SUV39H2: variants seen among roughly 807,000 people sequenced by gnomAD.
SUV39H2 encodes histone-lysine N-methyltransferase SUV39H2.
A neutral mutation model predicts 47.5 loss-of-function variants in SUV39H2; 10 were observed. The ratio of observed to expected loss-of-function variants is 0.21; its 90% CI spans 0.13 to 0.36. SUV39H2 has a LOEUF of 0.36. Ranked by LOEUF, SUV39H2 falls within the 10% of genes least tolerant of loss-of-function variation. SUV39H2 has a pLI of 1.00. For missense variants in SUV39H2, 266 were observed against 487.4 expected (o/e 0.55, Z 4.28); for synonymous variants, 159 against 166.8 (o/e 0.95, Z 0.36).
chr10:14,899,117 C>G, intron 3 of SUV39H2: 1 of 652,418 alleles, frequency 1.5e-6, no homozygotes, highest in Non-Finnish European at 2.8e-6. Flanking sequence ...CCCAGGAGTT[C>G]CAGACCAGTG....
At position 14,902,718 on chromosome 10, in the gene SUV39H2, T is replaced by C; in HGVS notation, c.*206T>C. On this transcript the variant is annotated 3_prime_UTR_variant, in exon 6 of 6. Coordinates refer to ENST00000354919, the MANE Select transcript of SUV39H2 (RefSeq NM_001193424.2). ...TAGACTGATATGAAGTCGACATATT[T>C]ATAGTGCTTAGAGACCAAACTAATG... The C allele has an allele frequency of 1.5e-5, 6 of 390,728 alleles. No individual in the cohort carries two copies. In the South Asian group the frequency reaches 2.5e-4, roughly 16 times the overall value. The allele number at this position is 390,728 out of a possible 1,614,324, so 24.2% of individuals were successfully genotyped here.
rs1221132918 is a variant in SUV39H2 at position 14,902,683 on chromosome 10, C to T, written c.*171C>T. On this transcript the variant is annotated 3_prime_UTR_variant, in exon 6 of 6. Transcript: ENST00000354919. The stretch of plus-strand genomic sequence containing the variant: ...ACCGATGCCTCTGAAAAGGGGGTCA[C>T]TGGGTCTCATAGACTGATATGAAGT... The T allele has an allele frequency of 3.9e-6, 2 of 509,956 alleles. No homozygotes were observed. Among genetic ancestry groups the T allele is most frequent in the Non-Finnish European group, 7.0e-6 (2 of 284,080 alleles). The allele number at this position is 509,956 out of a possible 1,614,324, so 31.6% of individuals were successfully genotyped here.
intron 2 of SUV39H2, among the ~76,000 whole-genome samples, chr10:14,888,032 G>A (rs1564336488): frequency 6.6e-6 from 1 of 152,150 alleles, no homozygotes; most frequent in Non-Finnish European, 1.5e-5. Flanking sequence ...TGGCGGGGTG[G>A]GCAGGCCCCA....
intron 2 of SUV39H2, among the ~76,000 whole-genome samples, chr10:14,893,212 C>T (rs1273012910): frequency 1.3e-5 from 2 of 151,586 alleles, no homozygotes; most frequent in Non-Finnish European, 1.5e-5. Context: ...ACCGTGTTAG[C>T]CAGGATGGTC....
chr10:14,883,155 C>T (rs1833092242), intron 2 of SUV39H2, among the ~76,000 whole-genome samples: 1 of 152,154 alleles, frequency 6.6e-6, no homozygotes, highest in South Asian at 2.1e-4. Flanking sequence ...GCGTGAGCCA[C>T]TGCACCCCGC....
At chr10:14,887,518 T>G (rs1833250749) in intron 2 of SUV39H2, among the ~76,000 whole-genome samples, 1 of 152,212 alleles carries the variant, frequency 6.6e-6, no homozygotes, top group African/African-American at 2.4e-5. Flanking sequence ...AAGTGGAACT[T>G]AAACCAACTG....
intron 4 of SUV39H2, 84 bp from the exon 5 acceptor site, chr10:14,901,049 T>C: frequency 6.6e-7 from 1 of 1,521,092 alleles, no homozygotes; most frequent in Admixed American, 2.0e-5. Flanking sequence ...ACTAAATCTC[T>C]AGGAAAGTAA....
intron 1 of SUV39H2, chr10:14,879,129 T>TGG: frequency 8.0e-7 from 1 of 1,256,590 alleles, no homozygotes; most frequent in Non-Finnish European, 1.0e-6. Flanking sequence ...GCCGCGGAGG[T>TGG]GGGCACTGTC....
At position 14,903,714 on chromosome 10, in the gene SUV39H2, T is replaced by C. The variant is rs946659807; in HGVS notation, c.*1202T>C. ...TATTGAATCTCAGGAAAAACTATTC[T>C]TTCATGTCTGATTCTGAGATTTCTA... is the stretch of plus-strand genomic sequence containing the variant. On this transcript the variant is annotated 3_prime_UTR_variant, in exon 6 of 6. Coordinates refer to ENST00000354919, the MANE Select transcript of SUV39H2 (RefSeq NM_001193424.2). The C allele has an allele frequency of 2.0e-5, 3 of 152,222 alleles. No homozygotes were observed. Among genetic ancestry groups the C allele is most frequent in the African/African-American group, 7.2e-5 (3 of 41,462 alleles). The allele number at this position is 152,222 out of a possible 1,614,324, so 9.4% of individuals were successfully genotyped here.
At chr10:14,882,589 TTTCTG>T (rs1419113949) in intron 2 of SUV39H2, among the ~76,000 whole-genome samples, 1 of 152,194 alleles carries the variant, frequency 6.6e-6, no homozygotes, top group Non-Finnish European at 1.5e-5. Flanking sequence ...TTATAACTTA[TTTCTG>T]TTCTCACACT....
intron 3 of SUV39H2, chr10:14,899,243 C>T (rs1490796322): frequency 1.4e-6 from 1 of 702,052 alleles, no homozygotes; most frequent in East Asian, 2.7e-5. Flanking sequence ...TCGCTTGATC[C>T]CAGGAGTTAA....
At chr10:14,882,981 T>C (rs985285885) in intron 2 of SUV39H2, among the ~76,000 whole-genome samples, 1 of 151,860 alleles carries the variant, frequency 6.6e-6, no homozygotes, top group Non-Finnish European at 1.5e-5. Flanking sequence ...GATTCTCCTG[T>C]CTCCGCCTCC....
chr10:14,897,195 A>T lies in SUV39H2; in HGVS notation c.527A>T (p.Lys176Ile). 2 of 1,613,824 alleles carry T rather than the reference A, an allele frequency of 1.2e-6. No individual in the cohort carries two copies. The highest frequency in any genetic ancestry group is 1.7e-6 in the Non-Finnish European group (2 of 1,180,020). The change falls in exon 3 of 6, where the codon AAA becomes ATA. Residue 176 changes from lysine to isoleucine, a missense_variant. Lys to Ile is a moderately radical substitution (Grantham distance 102). Around this residue, in one of 4 missense-constraint regions of SUV39H2, gnomAD observed 91 missense variants for 110.9 expected, o/e 0.82. Coordinates refer to ENST00000354919, the MANE Select transcript of SUV39H2 (RefSeq NM_001193424.2). ...GACTTCTATTACATTAACGAATACAAACCAGCTCCTGGAATCAGCTTAGTC... is the reference window on the plus strand; with the variant it reads ...GACTTCTATTACATTAACGAATACATACCAGCTCCTGGAATCAGCTTAGTC... The part of the protein sequence containing the change: ...PSDFYYINEY[K>I]PAPGISLVNE...
intron 1 of SUV39H2, among the ~76,000 whole-genome samples, chr10:14,879,305 C>T (rs916059252): frequency 6.6e-6 from 1 of 152,170 alleles, no homozygotes; most frequent in Non-Finnish European, 1.5e-5. Flanking sequence ...GTGGTTCGAG[C>T]GCGGCGTGCG....
chr10:14,891,362 T>C (rs1047872112), intron 2 of SUV39H2, among the ~76,000 whole-genome samples: 2 of 152,164 alleles, frequency 1.3e-5, no homozygotes, highest in African/African-American at 2.4e-5. Flanking sequence ...GCTTGCTTTC[T>C]GAAAAGAGGA....
chr10:14,883,510 G>A (rs532975849), intron 2 of SUV39H2, among the ~76,000 whole-genome samples: 304 of 151,604 alleles, frequency 2.0e-3, no homozygotes, highest in Non-Finnish European at 3.7e-3. Context: ...TTTGAGACCA[G>A]CCTGGCCAAC....
chr10:14,879,127 G>T, intron 1 of SUV39H2: 2 of 1,264,538 alleles, frequency 1.6e-6, no homozygotes, highest in Non-Finnish European at 2.0e-6. Flanking sequence ...CCGCCGCGGA[G>T]GTGGGCACTG....
chr10:14,889,260 A>G (rs1833310955), intron 2 of SUV39H2, among the ~76,000 whole-genome samples: 1 of 152,172 alleles, frequency 6.6e-6, no homozygotes, highest in African/African-American at 2.4e-5. Context: ...CCATTGTGAT[A>G]GTAATTTTTT....
chr10:14,900,260 C>A (rs1243911401), intron 4 of SUV39H2, among the ~76,000 whole-genome samples: 7 of 152,104 alleles, frequency 4.6e-5, no homozygotes, highest in Non-Finnish European at 8.8e-5. Context: ...TAAATAATTT[C>A]CAAAAATTAG....
Sources: allele counts gnomAD v4.1 joint callset (sites outside exome capture counted in the v4.1 genomes callset), GRCh38; gene constraint gnomAD v4.1.1; regional missense constraint gnomAD v4.1.1; transcripts MANE v1.5; gene names NCBI Gene and HGNC (gene_info 2026-07-23, HGNC 2026-07-21).